Variants in TNRC6C observed in about 807,000 individuals in gnomAD.
TNRC6C encodes the protein trinucleotide repeat-containing gene 6C protein.
In TNRC6C, 20 loss-of-function variants were observed where a neutral mutation model predicts 153.7. That is an observed-to-expected ratio of 0.13 (90% CI 0.09 to 0.19). The LOEUF is 0.19. Ranked by LOEUF, TNRC6C falls within the 10% of genes least tolerant of loss-of-function variation. The probability of loss-of-function intolerance (pLI) is 1.00; values close to 1 mark genes in which losing one functional copy is unlikely to be tolerated. For synonymous variants in TNRC6C, 811 were observed against 841.4 expected (o/e 0.96, Z 0.63); for missense variants, 1,987 against 2,172.0 (o/e 0.91, Z 1.69).
At chr17:78,092,489 A>G (rs2073410970) in intron 14 of TNRC6C, among the ~76,000 whole-genome samples, 1 of 152,224 alleles carries the variant, frequency 6.6e-6, no homozygotes, top group Admixed American at 6.5e-5. Context: ...GCAGCTTCCC[A>G]TGGTATGGAT....
At chr17:78,052,197 G>A (rs1463074270) in intron 3 of TNRC6C, among the ~76,000 whole-genome samples, 1 of 152,214 alleles carries the variant, frequency 6.6e-6, no homozygotes, top group East Asian at 1.9e-4. Context: ...TTCTCTCTGG[G>A]AGTGTGAATA....
At chr17:77,984,707 C>T (rs1249263864) in intron 1 of TNRC6C, among the ~76,000 whole-genome samples, 3 of 152,170 alleles carry the variant, frequency 2.0e-5, no homozygotes, top group African/African-American at 7.2e-5. Context: ...CTGTGGACCA[C>T]CTCTTCCCTG....
intron 2 of TNRC6C, among the ~76,000 whole-genome samples, chr17:78,035,585 G>A (rs9906734): frequency 6.6e-5 from 10 of 152,070 alleles, no homozygotes; most frequent in Admixed American, 1.3e-4. Context: ...GAGAAGGATC[G>A]CTTGAGCCCA....
intron 1 of TNRC6C, among the ~76,000 whole-genome samples, chr17:78,005,587 A>G (rs548924764): frequency 6.6e-6 from 1 of 152,300 alleles, no homozygotes; most frequent in East Asian, 1.9e-4. Flanking sequence ...TCTCACTGTT[A>G]CTCAGGAACT....
At chr17:78,080,381 G>A (rs1227453130) in intron 10 of TNRC6C, among the ~76,000 whole-genome samples, 1 of 152,184 alleles carries the variant, frequency 6.6e-6, no homozygotes, top group Non-Finnish European at 1.5e-5. Flanking sequence ...GGGAGGTGGA[G>A]ATTGCGGTGA....
intron 3 of TNRC6C, among the ~76,000 whole-genome samples, chr17:78,054,242 G>A (rs1391998815): frequency 6.6e-6 from 1 of 152,180 alleles, no homozygotes; most frequent in East Asian, 1.9e-4. Context: ...GGAAGTGGCT[G>A]TGGGTGAGTC....
chr17:77,998,100 C>A (rs1268582269), intron 1 of TNRC6C, among the ~76,000 whole-genome samples: 1 of 152,096 alleles, frequency 6.6e-6, no homozygotes, highest in South Asian at 2.1e-4. Flanking sequence ...ACCATCATCA[C>A]GTGAAGATGC....
chr17:78,077,386 A>T (rs1444521607), intron 9 of TNRC6C, 52 bp downstream of exon 11: 1 of 1,549,506 alleles, frequency 6.5e-7, no homozygotes, highest in East Asian at 2.4e-5. Flanking sequence ...CCTGCCTTCT[A>T]AAAAATGTGT....
chr17:78,013,926 C>G (rs2071681817), intron 1 of TNRC6C, among the ~76,000 whole-genome samples: 1 of 152,146 alleles, frequency 6.6e-6, no homozygotes, highest in Non-Finnish European at 1.5e-5. Flanking sequence ...GAGTTGTGCT[C>G]TTTTGCCTAA....
At chr17:78,094,440 C>CTTT (rs199858938) in intron 16 of TNRC6C, among the ~76,000 whole-genome samples, 1 of 136,942 alleles carries the variant, frequency 7.3e-6, no homozygotes, top group South Asian at 2.3e-4. Context: ...TCTTTTGTTT[C>CTTT]TTTTTTTTTT....
At chr17:77,998,588 T>C (rs145187392) in intron 1 of TNRC6C, among the ~76,000 whole-genome samples, 156 of 152,382 alleles carry the variant, frequency 1.0e-3, no homozygotes, top group African/African-American at 3.4e-3. Flanking sequence ...TCCTCTTTCA[T>C]GTCCATTCTT....
At chr17:77,974,708 A>T (rs2070973331) in intron 1 of TNRC6C, among the ~76,000 whole-genome samples, 1 of 152,232 alleles carries the variant, frequency 6.6e-6, no homozygotes, top group African/African-American at 2.4e-5. Flanking sequence ...GTGATAATAG[A>T]TTAGCAACAA....
chr17:78,051,186 T>C lies in TNRC6C; in HGVS notation c.2124T>C (p.Thr708=), dbSNP rs1171678038. 5.7e-6 allele frequency: 9 copies of C among 1,574,988 alleles called. No homozygotes were observed. In the African/African-American group the frequency reaches 8.1e-5, roughly 14 times the overall value. Residue 708 remains threonine (T), a synonymous_variant, in exon 3 of 20, where the codon ACT becomes ACC. Coordinates refer to ENST00000301624, the Ensembl canonical transcript of TNRC6C. ...AACAGAAGGACAGCAGTGAAGCAAC[T>C]GGCTGGGAAGAACCCTCTCCACCGT...
At chr17:78,092,621 T>C (rs902782741) in intron 14 of TNRC6C, among the ~76,000 whole-genome samples, 7 of 152,332 alleles carry the variant, frequency 4.6e-5, no homozygotes, top group African/African-American at 1.7e-4. Flanking sequence ...GGCTCACACC[T>C]GTAGTTCCAG....
exon 3 of TNRC6C, chr17:78,050,731 G>C (rs1483126097): frequency 6.3e-7 from 1 of 1,588,472 alleles, no homozygotes; most frequent in Non-Finnish European, 8.6e-7. Context: ...GAGTGGCCAT[G>C]CTTGGAGTGG....
At chr17:78,024,791 G>C (rs2071904542) in intron 1 of TNRC6C, among the ~76,000 whole-genome samples, 2 of 151,094 alleles carry the variant, frequency 1.3e-5, no homozygotes, top group Non-Finnish European at 2.9e-5. Flanking sequence ...TGATGTTCTA[G>C]TATTGATACT....
chr17:77,979,030 G>T lies in TNRC6C; in HGVS notation c.-38+19762G>T, dbSNP rs140012303. Among the ~76,000 whole-genome samples, 372 of 152,224 alleles carry T rather than the reference G, an allele frequency of 2.4e-3. 1 individual carries two copies. The highest frequency in any genetic ancestry group is 7.5e-3 in the African/African-American group (313 of 41,530). ...GTCAAAAACTAAGCATATAAAAAGA[G>T]GCAGGCGATAAGGTTACCCACAGGA... On this transcript the variant is annotated intron_variant, in intron 1 of 22. Transcript: ENST00000636222.
Position 78,104,469 on chromosome 17 carries a change from C to T in TNRC6C, c.4713-16C>T. The T allele has an allele frequency of 6.8e-7, 1 of 1,478,572 alleles. No individual in the cohort carries two copies. The highest frequency in any genetic ancestry group is 9.0e-7 in the Non-Finnish European group (1 of 1,111,460). The allele number at this position is 1,478,572 out of a possible 1,614,324, so 91.6% of individuals were successfully genotyped here. A position where few individuals can be genotyped will look rare whatever the true frequency, so the allele number is the denominator to read the frequency against. ...TTGGGGTGGCCCTGTTCACGTGCCCCATCTTGCTGTTGCAGGTGCGTCCTG... is the reference window on the plus strand; with the variant it reads ...TTGGGGTGGCCCTGTTCACGTGCCCTATCTTGCTGTTGCAGGTGCGTCCTG... On this transcript the variant is annotated splice_polypyrimidine_tract_variant and intron_variant, in intron 19 of 19. Coordinates refer to ENST00000301624, the Ensembl canonical transcript of TNRC6C. The surrounding 1 kb of genome is among the most constrained non-coding windows in gnomAD (Gnocchi z 6.2).
At chr17:78,046,937 A>G (rs557290846) in intron 2 of TNRC6C, among the ~76,000 whole-genome samples, 52 of 152,258 alleles carry the variant, frequency 3.4e-4, no homozygotes, top group African/African-American at 1.3e-3. Flanking sequence ...AGGGCAGATC[A>G]TTTTACAGTG....
Sources: gnomAD v4.1 joint callset for allele counts (sites outside exome capture counted in the v4.1 genomes callset) on GRCh38, gnomAD v4.1.1 for gene constraint, Gnocchi (gnomAD v3.1) non-coding constraint, MANE v1.5 for transcripts, NCBI Gene and HGNC (gene_info 2026-07-23, HGNC 2026-07-21) for gene names.